Variants in GALNT7 observed in about 807,000 individuals in gnomAD.
GALNT7 encodes the protein polypeptide N-acetylgalactosaminyltransferase 7.
A neutral mutation model predicts 82.1 loss-of-function variants in GALNT7; 60 were observed. The ratio of observed to expected loss-of-function variants is 0.73; its 90% CI spans 0.59 to 0.91. GALNT7 has a LOEUF of 0.91. GALNT7 is among the 40% of genes least tolerant of loss of function. GALNT7 has a pLI of 0.00. For missense variants in GALNT7, 660 were observed against 804.2 expected, an observed-to-expected ratio of 0.82 and a Z score of 2.17; for synonymous variants, 243 against 275.1, an observed-to-expected ratio of 0.88 and a Z score of 1.15.
chr4:173,249,177 A>G (rs945747690), intron 2 of GALNT7, among the ~76,000 whole-genome samples: 9 of 152,192 alleles, frequency 5.9e-5, no homozygotes, highest in African/African-American at 1.2e-4. Context: ...GCTTTCATTA[A>G]TGTAGTTGGA....
intron 2 of GALNT7, among the ~76,000 whole-genome samples, chr4:173,255,343 A>G (rs1734998973): frequency 6.6e-6 from 1 of 152,124 alleles, no homozygotes; most frequent in African/African-American, 2.4e-5. Context: ...TTATTGTCCA[A>G]GTTGCTCTAT....
rs996444850 is a variant in GALNT7 at position 173,280,653 on chromosome 4, G to A, written c.588-11455G>A. On this transcript the variant is annotated intron_variant, in intron 2 of 11. Coordinates refer to ENST00000265000, the MANE Select transcript of GALNT7 (RefSeq NM_017423.3). ...TGTTAGAGGATTTTAAAGCTTTCTTGGGAAATGAGATACCAAAGAGGAGAA... is the reference window on the plus strand; with the variant it reads ...TGTTAGAGGATTTTAAAGCTTTCTTAGGAAATGAGATACCAAAGAGGAGAA... 3.3e-5 allele frequency among the ~76,000 whole-genome samples: 5 copies of A among 152,130 alleles called. No homozygotes were observed. In the South Asian group the frequency reaches 6.2e-4, roughly 19 times the overall value.
intron 1 of GALNT7, among the ~76,000 whole-genome samples, chr4:173,244,425 C>T (rs1734542778): frequency 6.6e-6 from 1 of 152,114 alleles, no homozygotes; most frequent in East Asian, 1.9e-4. Context: ...TAGAAAAGTC[C>T]CTGTGGCTGC....
chr4:173,317,569 T>G, intron 9 of GALNT7, 65 bp from the exon 10 acceptor site: 1 of 970,082 alleles, frequency 1.0e-6, no homozygotes, highest in Non-Finnish European at 1.7e-6. Flanking sequence ...TGTTAAATTC[T>G]GATGCCAGAG....
At position 173,230,237 on chromosome 4, in the gene GALNT7, T is replaced by C. The variant is rs533495138; in HGVS notation, c.127-17743T>C. ...TCAGTTGCACCACTTCAGCAGCTTA[T>C]GTTCATCAACTGAGGTTGGTTGGAA... On this transcript the variant is annotated intron_variant, in intron 1 of 11. Transcript: ENST00000265000. 3.3e-5 allele frequency among the ~76,000 whole-genome samples: 5 copies of C among 152,302 alleles called. 1 individual carries two copies. Among genetic ancestry groups the C allele is most frequent in the Admixed American group, 3.3e-4 (5 of 15,294 alleles).
intron 1 of GALNT7, among the ~76,000 whole-genome samples, chr4:173,181,757 T>C (rs967190558): frequency 1.3e-5 from 2 of 152,226 alleles, no homozygotes; most frequent in African/African-American, 4.8e-5. Context: ...GAACTGCCGG[T>C]ATCATCCAAG....
intron 2 of GALNT7, among the ~76,000 whole-genome samples, chr4:173,291,263 T>G (rs1291679203): frequency 6.6e-6 from 1 of 152,236 alleles, no homozygotes; most frequent in Non-Finnish European, 1.5e-5. Flanking sequence ...ATTATTATCC[T>G]CACCCATCTA....
chr4:173,295,231 A>G (rs779520291), intron 3 of GALNT7, among the ~76,000 whole-genome samples, 165 bp from the exon 4 acceptor site: 1 of 152,236 alleles, frequency 6.6e-6, no homozygotes. Context: ...ACTCAAAATT[A>G]ACTTAAATAA....
chr4:173,271,885 C>A (rs1735740321), intron 2 of GALNT7, among the ~76,000 whole-genome samples: 1 of 152,134 alleles, frequency 6.6e-6, no homozygotes, highest in African/African-American at 2.4e-5. Context: ...TTTTGTGCAA[C>A]ACCATTTTGC....
At chr4:173,275,061 T>C (rs925300261) in intron 2 of GALNT7, among the ~76,000 whole-genome samples, 1 of 152,206 alleles carries the variant, frequency 6.6e-6, no homozygotes, top group East Asian at 1.9e-4. Flanking sequence ...TGTGAAGTTC[T>C]CACCTACATC....
chr4:173,294,655 T>A (rs1452488913), intron 3 of GALNT7, among the ~76,000 whole-genome samples: 2 of 152,154 alleles, frequency 1.3e-5, no homozygotes, highest in Non-Finnish European at 2.9e-5. Flanking sequence ...TTTCATGGGC[T>A]CATAGTGATA....
At chr4:173,221,959 G>A (rs982602340) in intron 1 of GALNT7, among the ~76,000 whole-genome samples, 5 of 152,130 alleles carry the variant, frequency 3.3e-5, no homozygotes, top group African/African-American at 1.2e-4. Context: ...GTAACAAAGT[G>A]AACATTTTAA....
At chr4:173,256,993 G>A (rs769222281) in intron 2 of GALNT7, among the ~76,000 whole-genome samples, 8 of 152,206 alleles carry the variant, frequency 5.3e-5, no homozygotes, top group Admixed American at 2.6e-4. Flanking sequence ...GCCCAGTTTA[G>A]AGCCAGGACT....
chr4:173,277,486 AGGACT>A (rs1389850772), intron 2 of GALNT7, among the ~76,000 whole-genome samples: 1 of 152,210 alleles, frequency 6.6e-6, no homozygotes, highest in Non-Finnish European at 1.5e-5. Context: ...TTTGCAGAGA[AGGACT>A]CTGATTGGCA....
intron 1 of GALNT7, among the ~76,000 whole-genome samples, chr4:173,193,328 G>A (rs1476050077): frequency 6.6e-6 from 1 of 152,108 alleles, no homozygotes; most frequent in African/African-American, 2.4e-5. Flanking sequence ...ACTCCTTACA[G>A]AAATAATCTC....
intron 1 of GALNT7, among the ~76,000 whole-genome samples, chr4:173,212,406 A>G (rs1733308711): frequency 6.6e-6 from 1 of 152,198 alleles, no homozygotes; most frequent in Non-Finnish European, 1.5e-5. Context: ...TTTAAAAAGC[A>G]TTTTAAAGGT....
chr4:173,183,803 C>T (rs1377251475), intron 1 of GALNT7, among the ~76,000 whole-genome samples: 2 of 148,610 alleles, frequency 1.3e-5, no homozygotes, highest in Non-Finnish European at 3.0e-5. Context: ...TCCCTGACGG[C>T]GCGGCTGGCC....
chr4:173,264,271 G>A (rs150351046), intron 2 of GALNT7, among the ~76,000 whole-genome samples: 27 of 152,314 alleles, frequency 1.8e-4, no homozygotes, highest in African/African-American at 6.5e-4. Context: ...CAAAGCCAGA[G>A]TAACTAAGAT....
intron 1 of GALNT7, among the ~76,000 whole-genome samples, chr4:173,200,752 G>A (rs1384955993): frequency 6.6e-6 from 1 of 152,154 alleles, no homozygotes; most frequent in African/African-American, 2.4e-5. Flanking sequence ...TCCATTTTTT[G>A]TAGTACAAAG....
Sources: gnomAD v4.1 joint callset for allele counts (sites outside exome capture counted in the v4.1 genomes callset) on GRCh38, gnomAD v4.1.1 for gene constraint, MANE v1.5 for transcripts, NCBI Gene and HGNC (gene_info 2026-07-23, HGNC 2026-07-21) for gene names.